Variants in GJC2 observed in about 807,000 individuals in gnomAD.
GJC2 encodes the protein gap junction protein gamma 2, also known as gap junction gamma-2 protein.
For synonymous variants in GJC2, 336 were observed against 307.5 expected (o/e 1.09, Z -0.97); for missense variants, 647 against 648.9 (o/e 1.00, Z 0.03).
At chr1:228,154,415 T>C (rs189133298) in intron 1 of GJC2, among the ~76,000 whole-genome samples, 2 of 152,318 alleles carry the variant, frequency 1.3e-5, no homozygotes, top group African/African-American at 4.8e-5. Flanking sequence ...GACCTTCCCA[T>C]GAGATGCTGT....
At position 228,157,766 on chromosome 1, in the gene GJC2, A is replaced by G; in HGVS notation, c.8A>G (p.Asn3Ser). 2 of 317,628 alleles carry G rather than the reference A, an allele frequency of 6.3e-6. No homozygotes were observed. Among genetic ancestry groups the G allele is most frequent in the Non-Finnish European group, 5.4e-6 (1 of 183,850 alleles). 19.7% of individuals were successfully genotyped at this position (317,628 alleles called of 1,614,324 possible). A position where few individuals can be genotyped will look rare whatever the true frequency, so the allele number is the denominator to read the frequency against. The change falls in exon 2 of 2, where the codon AAC becomes AGC. Residue 3 changes from asparagine (N) to serine (S), a missense_variant. By Grantham distance (46) the Asn-to-Ser change is conservative. Coordinates refer to ENST00000366714, the MANE Select transcript of GJC2 (RefSeq NM_020435.4). ...ACCCGCCCGCCCGCCCCTATGACCA[A>G]CATGAGCTGGAGCTTCCTGACGCGG... MT[N>S]MSWSFLTRLL...
In GJC2 at chr1:228,158,041, C is replaced by G. The variant is rs756257057; in HGVS notation, c.283C>G (p.Leu95Val). The G allele has an allele frequency of 2.5e-6, 4 of 1,609,390 alleles. No individual in the cohort carries two copies. In the Admixed American group the frequency reaches 5.0e-5, roughly 20 times the overall value. ...VVISTPSVMY[L>V]GYAVHRLARA... Reference sequence around the variant, plus strand: ...CATCTCCACGCCCTCGGTCATGTACCTGGGCTACGCCGTGCACCGCCTGGC... The same window carrying G: ...CATCTCCACGCCCTCGGTCATGTACGTGGGCTACGCCGTGCACCGCCTGGC... Residue 95 changes from leucine (L) to valine (V), a missense_variant, in exon 2 of 2, where the codon CTG becomes GTG. Physicochemically the swap from Leu to Val is conservative, Grantham distance 32. Coordinates refer to ENST00000366714, the MANE Select transcript of GJC2 (RefSeq NM_020435.4). This position sits in a 1 kb window ranked among gnomAD's most constrained non-coding sequence, Gnocchi z 8.3.
Position 228,158,980 on chromosome 1 carries a change from C to G in GJC2, c.1222C>G (p.Arg408Gly), listed in dbSNP as rs918865729. The G allele has an allele frequency of 3.1e-6, 5 of 1,599,220 alleles. No individual in the cohort carries two copies. The South Asian group carries it at 5.6e-5, about 18-fold the overall frequency. ...TSAGTVGEQG[R>G]PGTHERPGAK... Reference sequence around the variant, plus strand: ...TGCGGGCACTGTCGGGGAGCAGGGCCGGCCCGGCACCCACGAGCGGCCAGG... The same window carrying G: ...TGCGGGCACTGTCGGGGAGCAGGGCGGGCCCGGCACCCACGAGCGGCCAGG... The change falls in exon 2 of 2, where the codon CGG (arginine) becomes GGG (glycine). Residue 408 changes from arginine (R) to glycine (G), a missense_variant. Coordinates refer to ENST00000366714, the MANE Select transcript of GJC2 (RefSeq NM_020435.4). The surrounding 1 kb of genome is among the most constrained non-coding windows in gnomAD (Gnocchi z 8.3).
Position 228,158,143 on chromosome 1 carries a change from C to G in GJC2, c.385C>G (p.Pro129Ala). 7.7e-7 allele frequency: 1 copy of G among 1,297,948 alleles called. No homozygotes were observed. The highest frequency in any genetic ancestry group is 9.8e-7 in the Non-Finnish European group (1 of 1,024,942). The allele number at this position is 1,297,948 out of a possible 1,614,324, so 80.4% of individuals were successfully genotyped here. A position where few individuals can be genotyped will look rare whatever the true frequency, so the allele number is the denominator to read the frequency against. ...ACGCCGCGCGCCCCGAGCGCACCTG[C>G]CGCCCCCGCACGCCGGCTGGCCTGA... is the stretch of plus-strand genomic sequence containing the variant. ...GPRRAPRAHL[P>A]PPHAGWPEPA... is the part of the protein sequence containing the mutation. The change falls in exon 2 of 2, where the codon CCG becomes GCG. Residue 129 changes from proline to alanine, a missense_variant. Pro to Ala is a conservative substitution (Grantham distance 27, BLOSUM62 -1). Coordinates refer to ENST00000366714, the MANE Select transcript of GJC2 (RefSeq NM_020435.4). This position sits in a 1 kb window ranked among gnomAD's most constrained non-coding sequence, Gnocchi z 8.3.
intron 1 of GJC2, among the ~76,000 whole-genome samples, chr1:228,156,866 G>T (rs986953670): frequency 6.6e-6 from 1 of 152,274 alleles, no homozygotes; most frequent in Non-Finnish European, 1.5e-5. Flanking sequence ...TGGCTGGTCT[G>T]CGGCATAGCT....
At chr1:228,153,347 C>T (rs1005853686) in intron 1 of GJC2, among the ~76,000 whole-genome samples, 2 of 149,468 alleles carry the variant, frequency 1.3e-5, no homozygotes, top group South Asian at 2.1e-4. Flanking sequence ...TATGATTGTG[C>T]GGCTGCACTC....
chr1:228,153,924 T>G (rs957221725), intron 1 of GJC2, among the ~76,000 whole-genome samples: 1 of 151,504 alleles, frequency 6.6e-6, no homozygotes, highest in Non-Finnish European at 1.5e-5. Context: ...ATTGCCAGCA[T>G]GGTGGCATGT....
At position 228,157,833 on chromosome 1, in the gene GJC2, G is replaced by C; in HGVS notation, c.75G>C (p.Lys25Asn). The C allele has an allele frequency of 6.3e-7, 1 of 1,596,566 alleles. No individual in the cohort carries two copies. The highest frequency in any genetic ancestry group is 8.5e-7 in the Non-Finnish European group (1 of 1,171,152). The change falls in exon 2 of 2, where the codon AAG becomes AAC. Residue 25 changes from lysine (K) to asparagine (N), a missense_variant. Physicochemically the swap from Lys to Asn is moderately conservative, Grantham distance 94. Coordinates refer to ENST00000366714, the MANE Select transcript of GJC2 (RefSeq NM_020435.4). ...ACAACCACTCCACCTTCGTGGGCAA[G>C]GTGTGGCTCACGGTGCTGGTGGTCT... ...EIHNHSTFVG[K>N]VWLTVLVVFR...
Position 228,158,514 on chromosome 1 carries a change from C to G in GJC2, c.756C>G (p.His252Gln). Residue 252 changes from histidine to glutamine, a missense_variant, in exon 2 of 2, where the codon CAC (histidine) becomes CAG (glutamine). By Grantham distance (24) the His-to-Gln change is conservative. Transcript: ENST00000366714. The surrounding 1 kb of genome is among the most constrained non-coding windows in gnomAD (Gnocchi z 8.3). Reference protein sequence around the residue: ...FFPCSRQPCPHVVDCFVSRPT... With the variant: ...FFPCSRQPCPQVVDCFVSRPT... The stretch of plus-strand genomic sequence containing the variant: ...CCTGCAGCCGCCAGCCCTGCCCGCA[C>G]GTGGTGGACTGCTTCGTGTCGCGCC... 6.2e-7 allele frequency: 1 copy of G among 1,612,960 alleles called. No homozygotes were observed. The highest frequency in any genetic ancestry group is 8.5e-7 in the Non-Finnish European group (1 of 1,179,680).
In GJC2 at chr1:228,158,043, G is replaced by A. The variant is rs148764840; in HGVS notation, c.285G>A (p.Leu95=). Residue 95 remains leucine, a synonymous_variant, in exon 2 of 2, where the codon CTG becomes CTA. Coordinates refer to ENST00000366714, the MANE Select transcript of GJC2 (RefSeq NM_020435.4). The surrounding 1 kb of genome is among the most constrained non-coding windows in gnomAD (Gnocchi z 8.3). ...VVISTPSVMY[L]GYAVHRLARA... The stretch of plus-strand genomic sequence containing the variant: ...TCTCCACGCCCTCGGTCATGTACCT[G>A]GGCTACGCCGTGCACCGCCTGGCCC... 929 of 1,609,102 alleles carry A rather than the reference G, an allele frequency of 5.8e-4. 7 individuals carry two copies. In the South Asian group the frequency reaches 9.6e-3, roughly 17 times the overall value.
chr1:228,155,143 C>G (rs2034663966), intron 1 of GJC2, among the ~76,000 whole-genome samples: 1 of 152,230 alleles, frequency 6.6e-6, no homozygotes, highest in Non-Finnish European at 1.5e-5. Context: ...GGCGGTGACA[C>G]AGCGACAGCC....
Position 228,158,440 on chromosome 1 carries a change from C to T in GJC2, c.682C>T (p.Leu228=). Residue 228 remains leucine, a synonymous_variant, in exon 2 of 2, where the codon CTG becomes TTG. Coordinates refer to ENST00000366714, the MANE Select transcript of GJC2 (RefSeq NM_020435.4). This position sits in a 1 kb window ranked among gnomAD's most constrained non-coding sequence, Gnocchi z 8.3. ...VARAAFEVAF[L]VGQYLLYGFE... The stretch of plus-strand genomic sequence containing the variant: ...CAGGGCAGCTTTCGAGGTGGCCTTC[C>T]TGGTGGGCCAGTACCTGCTGTACGG... 6.2e-7 allele frequency: 1 copy of T among 1,609,642 alleles called. No homozygotes were observed. Among genetic ancestry groups the T allele is most frequent in the Non-Finnish European group, 8.5e-7 (1 of 1,179,562 alleles).
rs1444783044 is a variant in GJC2, at chr1:228,152,380, G to A, written c.-20+2373G>A. ...CACCCAGCAGGGCGGGGCTCGTTCT[G>A]CAGTGCCTCAGGACCCTTGTTCAGA... is the stretch of plus-strand genomic sequence containing the variant. On this transcript the variant is annotated intron_variant, in intron 1 of 1. Transcript: ENST00000366714. The surrounding 1 kb of genome is among the most constrained non-coding windows in gnomAD (Gnocchi z 7.3). 6.6e-6 allele frequency among the ~76,000 whole-genome samples: 1 copy of A among 152,118 alleles called. No individual in the cohort carries two copies. Among genetic ancestry groups the A allele is most frequent in the Non-Finnish European group, 1.5e-5 (1 of 68,004 alleles).
rs1039561567 is a variant in GJC2 at position 228,159,804 on chromosome 1, A to G, written c.*726A>G. On this transcript the variant is annotated 3_prime_UTR_variant, in exon 2 of 2. Coordinates refer to ENST00000366714, the MANE Select transcript of GJC2 (RefSeq NM_020435.4). This position sits in a 1 kb window ranked among gnomAD's most constrained non-coding sequence, Gnocchi z 4.0. ...CCCAGCCTCAAGAGGAAAGGGAGTA[A>G]AATAAAACTAACTTGTTTATAACCT... The G allele has an allele frequency of 9.6e-5, 16 of 167,176 alleles. 1 individual carries two copies. The highest frequency in any genetic ancestry group is 2.2e-4 in the Non-Finnish European group (15 of 68,434). 10.4% of individuals were successfully genotyped at this position (167,176 alleles called of 1,614,324 possible).
chr1:228,156,371 GTGTA>G (rs2034679755), intron 1 of GJC2, among the ~76,000 whole-genome samples: 1 of 152,236 alleles, frequency 6.6e-6, no homozygotes, highest in South Asian at 2.1e-4. Flanking sequence ...ACGTGTACAT[GTGTA>G]TGCATGTGTG....
At position 228,150,360 on chromosome 1, in the gene GJC2, G is replaced by T. The variant is rs909113651; in HGVS notation, c.-20+353G>T. 6.6e-6 allele frequency among the ~76,000 whole-genome samples: 1 copy of T among 152,124 alleles called. No homozygotes were observed. Among genetic ancestry groups the T allele is most frequent in the African/African-American group, 2.4e-5 (1 of 41,430 alleles). On this transcript the variant is annotated intron_variant, in intron 1 of 1. Transcript: ENST00000366714. The surrounding 1 kb of genome is among the most constrained non-coding windows in gnomAD (Gnocchi z 4.6). ...GGGCCCCTCAGGTAGTGATAGGGCT[G>T]GCCTCTGAAACACCAGCCAGCTGCA...
In GJC2 at chr1:228,158,839, G is replaced by A. The variant is rs1190330580; in HGVS notation, c.1081G>A (p.Gly361Arg). 6.8e-7 allele frequency: 1 copy of A among 1,466,956 alleles called. No homozygotes were observed. The highest frequency in any genetic ancestry group is 9.0e-7 in the Non-Finnish European group (1 of 1,114,172). The allele number at this position is 1,466,956 out of a possible 1,614,324, so 90.9% of individuals were successfully genotyped here. The change falls in exon 2 of 2, where the codon GGG (glycine) becomes AGG (arginine). Residue 361 changes from glycine to arginine, a missense_variant. By Grantham distance (125) the Gly-to-Arg change is moderately radical. Transcript: ENST00000366714. This position sits in a 1 kb window ranked among gnomAD's most constrained non-coding sequence, Gnocchi z 8.3. Reference sequence around the variant, plus strand: ...CCTGGCCCTGCAGGCGCTGCGCGACGGGGCAGCGGCTGGGGACCGCGACCG... The same window carrying A: ...CCTGGCCCTGCAGGCGCTGCGCGACAGGGCAGCGGCTGGGGACCGCGACCG... The part of the protein sequence containing the change: ...ANLALQALRD[G>R]AAAGDRDRDS...
At position 228,158,251 on chromosome 1, in the gene GJC2, G is replaced by T. The variant is rs1200320206; in HGVS notation, c.493G>T (p.Ala165Ser). The change falls in exon 2 of 2, where the codon GCC becomes TCC. Residue 165 changes from alanine (A) to serine (S), a missense_variant. Physicochemically the swap from Ala to Ser is moderately conservative, Grantham distance 99 (BLOSUM62 1). Transcript: ENST00000366714. This position sits in a 1 kb window ranked among gnomAD's most constrained non-coding sequence, Gnocchi z 8.3. The stretch of plus-strand genomic sequence containing the variant: ...GGAGGAGACGGGGGCAGCCGAGGGC[G>T]CCGGCGAGGAAGCGGAGGAGGCAGG... Reference protein sequence around the residue: ...EEEETGAAEGAGEEAEEAGAE... With the variant: ...EEEETGAAEGSGEEAEEAGAE... 9.2e-6 allele frequency: 14 copies of T among 1,513,860 alleles called. No homozygotes were observed. The highest frequency in any genetic ancestry group is 2.5e-5 in the South Asian group (2 of 80,632). The allele number at this position is 1,513,860 out of a possible 1,614,324, so 93.8% of individuals were successfully genotyped here.
At chr1:228,155,328 C>G (rs2034665776) in intron 1 of GJC2, among the ~76,000 whole-genome samples, 1 of 152,176 alleles carries the variant, frequency 6.6e-6, no homozygotes, top group Non-Finnish European at 1.5e-5. Context: ...GGCACTAAGG[C>G]AGGTGAGGCC....
Sources: gnomAD v4.1 joint callset for allele counts (sites outside exome capture counted in the v4.1 genomes callset) on GRCh38, gnomAD v4.1.1 for gene constraint, Gnocchi (gnomAD v3.1) non-coding constraint, MANE v1.5 for transcripts, NCBI Gene and HGNC (gene_info 2026-07-23, HGNC 2026-07-21) for gene names.